ADH5: variants seen among roughly 807,000 people sequenced by gnomAD.
The protein encoded by ADH5 is alcohol dehydrogenase class-3.
In ADH5, 32 loss-of-function variants were observed where a neutral mutation model predicts 40.3. That is an observed-to-expected ratio of 0.79 (90% CI 0.60 to 1.07). The LOEUF (loss-of-function observed/expected upper bound fraction) is 1.07. ADH5 is among the 50% of genes least tolerant of loss of function. ADH5 has a pLI of 0.00. For synonymous variants in ADH5, 125 were observed against 154.3 expected (o/e 0.81, Z 1.41); for missense variants, 353 against 460.5 (o/e 0.77, Z 2.14).
intron 8 of ADH5, 35 bp downstream of exon 8, chr4:99,072,535 CATT>C (rs780652018): frequency 1.9e-6 from 3 of 1,608,788 alleles, no homozygotes; most frequent in South Asian, 1.1e-5. Context: ...AACTCAACAT[CATT>C]ATTACATTCT....
At chr4:99,087,210 C>A (rs948128865) in intron 1 of ADH5, among the ~76,000 whole-genome samples, 4 of 152,004 alleles carry the variant, frequency 2.6e-5, no homozygotes, top group Admixed American at 1.3e-4. Flanking sequence ...ATGGCGAAAC[C>A]CCGTCTCTAC....
At chr4:99,074,878 A>C (rs956032246) in intron 7 of ADH5, 36 bp downstream of exon 7, 18 of 1,555,294 alleles carry the variant, frequency 1.2e-5, no homozygotes, top group Admixed American at 1.9e-5. Flanking sequence ...GCAACTAACA[A>C]AAGAGAAAAT....
chr4:99,086,582 A>G (rs1263067674), intron 1 of ADH5, among the ~76,000 whole-genome samples: 1 of 152,214 alleles, frequency 6.6e-6, no homozygotes, highest in African/African-American at 2.4e-5. Context: ...AAGGATGAGG[A>G]AAAGGTAATT....
At chr4:99,083,249 G>A (rs770593918) in intron 2 of ADH5, among the ~76,000 whole-genome samples, 1 of 151,850 alleles carries the variant, frequency 6.6e-6, no homozygotes, top group Non-Finnish European at 1.5e-5. Context: ...TGAATTTGAA[G>A]AAAAAAACAC....
chr4:99,079,492 T>C (rs182367133), intron 4 of ADH5, among the ~76,000 whole-genome samples: 1 of 152,148 alleles, frequency 6.6e-6, no homozygotes, highest in Non-Finnish European at 1.5e-5. Context: ...GGAAGGGACA[T>C]GAGGGAGCTT....
chr4:99,083,457 A>G (rs548544539), intron 2 of ADH5, among the ~76,000 whole-genome samples: 2 of 151,922 alleles, frequency 1.3e-5, no homozygotes, highest in South Asian at 4.2e-4. Flanking sequence ...AAAACTAGCC[A>G]GGCGTGGTGG....
At chr4:99,079,716 C>G (rs1197151779) in intron 4 of ADH5, 1 of 262,792 alleles carries the variant, frequency 3.8e-6, no homozygotes, top group Non-Finnish European at 7.4e-6. Context: ...AGTGTTGTTA[C>G]CTAGTACAAT....
At chr4:99,073,350 T>C (rs575391248) in intron 7 of ADH5, among the ~76,000 whole-genome samples, 1 of 152,300 alleles carries the variant, frequency 6.6e-6, no homozygotes, top group African/African-American at 2.4e-5. Flanking sequence ...AGCTAATTTT[T>C]TGTATTTTTA....
At chr4:99,081,326 A>G in intron 4 of ADH5, 39 bp downstream of exon 4, 2 of 1,296,288 alleles carry the variant, frequency 1.5e-6, no homozygotes, top group Non-Finnish European at 2.2e-6. Flanking sequence ...ATTATCCCGC[A>G]GCACTTGTGT....
chr4:99,076,414 A>G lies in ADH5; in HGVS notation c.703T>C (p.Phe235Leu). 1 of 1,614,034 alleles carries G rather than the reference A, an allele frequency of 6.2e-7. No individual in the cohort carries two copies. Among genetic ancestry groups the G allele is most frequent in the Non-Finnish European group, 8.5e-7 (1 of 1,180,004 alleles). ...NKDKFARAKE[F>L]GATECINPQD... Reference sequence around the variant, plus strand: ...GGGTTAATACATTCAGTGGCTCCAAACTCTTTGGCCCTTGCAAATTTATCT... The same window carrying G: ...GGGTTAATACATTCAGTGGCTCCAAGCTCTTTGGCCCTTGCAAATTTATCT... Residue 235 changes from phenylalanine (F) to leucine (L), a missense_variant, in exon 6 of 9, where the codon TTT becomes CTT. Coordinates refer to ENST00000296412, the MANE Select transcript of ADH5 (RefSeq NM_000671.4).
chr4:99,084,683 AACTC>A (rs1309782063), intron 2 of ADH5, among the ~76,000 whole-genome samples: 7 of 152,182 alleles, frequency 4.6e-5, no homozygotes, highest in Admixed American at 2.6e-4. Flanking sequence ...TTATCCTATG[AACTC>A]ACTCCAAATT....
intron 2 of ADH5, among the ~76,000 whole-genome samples, chr4:99,082,452 A>G (rs1728043912): frequency 6.6e-6 from 1 of 152,192 alleles, no homozygotes; most frequent in African/African-American, 2.4e-5. Flanking sequence ...GGAGAGAACC[A>G]TCGCCTGTGT....
chr4:99,088,637 T>A, intron 1 of ADH5, 52 bp downstream of exon 1: 15 of 1,574,178 alleles, frequency 9.5e-6, no homozygotes, highest in Non-Finnish European at 1.3e-5. Context: ...CCTAGTCCCA[T>A]GCCATGCACT....
Position 99,072,193 on chromosome 4 carries a change from T to C in ADH5, c.*224A>G. 1 of 455,786 alleles carries C rather than the reference T, an allele frequency of 2.2e-6. No individual in the cohort carries two copies. The highest frequency in any genetic ancestry group is 4.0e-6 in the Non-Finnish European group (1 of 252,516). The allele number at this position is 455,786 out of a possible 1,614,324, so 28.2% of individuals were successfully genotyped here. ...ACTTTTATTATGTTAAAATATTCCT[T>C]AATAAACTAGCAATTATTTATGTGG... On this transcript the variant is annotated 3_prime_UTR_variant, in exon 9 of 9. Coordinates refer to ENST00000296412, the MANE Select transcript of ADH5 (RefSeq NM_000671.4).
In ADH5 at chr4:99,088,708, G is replaced by A. The variant is rs765219080; in HGVS notation, c.-8C>T. ...CCCTACCTCGTTCGCCATGTTCACGGATTCTGGTCGGCGCGGGGGGCTGAC... is the reference window on the plus strand; with the variant it reads ...CCCTACCTCGTTCGCCATGTTCACGAATTCTGGTCGGCGCGGGGGGCTGAC... On this transcript the variant is annotated 5_prime_UTR_variant, in exon 1 of 9. Coordinates refer to ENST00000296412, the MANE Select transcript of ADH5 (RefSeq NM_000671.4). The A allele has an allele frequency of 1.3e-6, 2 of 1,591,606 alleles. No individual in the cohort carries two copies. The highest frequency in any genetic ancestry group is 3.4e-5 in the Admixed American group (2 of 59,054).
intron 2 of ADH5, among the ~76,000 whole-genome samples, chr4:99,082,885 C>G (rs1728053310): frequency 6.6e-6 from 1 of 152,116 alleles, no homozygotes; most frequent in African/African-American, 2.4e-5. Context: ...ACCATGCTGG[C>G]CAGGCTGGTC....
rs1728202569 is a variant in ADH5 at position 99,088,710 on chromosome 4, T to C, written c.-10A>G. 3.1e-6 allele frequency: 5 copies of C among 1,588,610 alleles called. No individual in the cohort carries two copies. Among genetic ancestry groups the C allele is most frequent in the African/African-American group, 2.7e-5 (2 of 74,124 alleles). The stretch of plus-strand genomic sequence containing the variant: ...CTACCTCGTTCGCCATGTTCACGGA[T>C]TCTGGTCGGCGCGGGGGGCTGACAT... On this transcript the variant is annotated 5_prime_UTR_variant, in exon 1 of 9. Coordinates refer to ENST00000296412, the MANE Select transcript of ADH5 (RefSeq NM_000671.4).
At chr4:99,073,620 CCT>C (rs1051904947) in intron 7 of ADH5, among the ~76,000 whole-genome samples, 2 of 152,192 alleles carry the variant, frequency 1.3e-5, no homozygotes, top group Non-Finnish European at 2.9e-5. Flanking sequence ...TTCCAAATCT[CCT>C]CTCTTATATT....
At chr4:99,076,085 G>A (rs533934906) in intron 6 of ADH5, 9 of 562,824 alleles carry the variant, frequency 1.6e-5, no homozygotes, top group African/African-American at 1.3e-4. Flanking sequence ...GGCATTGAAA[G>A]GCAAAGAAAC....
Sources: gnomAD v4.1 joint callset for allele counts (sites outside exome capture counted in the v4.1 genomes callset) on GRCh38, gnomAD v4.1.1 for gene constraint, MANE v1.5 for transcripts, NCBI Gene and HGNC (gene_info 2026-07-23, HGNC 2026-07-21) for gene names.